The following SYCP2L variants were observed in gnomAD, a reference collection of about 807,000 sequenced individuals.
The protein encoded by SYCP2L is synaptonemal complex protein 2-like.
SYCP2L carries 98 observed loss-of-function variants against 125.8 expected under a neutral mutation model. That is an observed-to-expected ratio of 0.78 (90% CI 0.66 to 0.92). The LOEUF is 0.92. SYCP2L is among the 40% of genes least tolerant of loss of function. SYCP2L has a pLI of 0.00. For synonymous variants in SYCP2L, 317 were observed against 325.4 expected (o/e 0.97, Z 0.28); for missense variants, 842 against 936.4 (o/e 0.90, Z 1.32).
chr6:10,958,151 G>GGT (rs58513575), intron 25 of SYCP2L, among the ~76,000 whole-genome samples: 9,531 of 152,016 alleles, frequency 0.063, 916 homozygotes, highest in African/African-American at 0.21. Flanking sequence ...TGTGTGTATT[G>GGT]GTAGTATATT....
intron 2 of SYCP2L, 55 bp downstream of exon 2, chr6:10,891,636 TG>T: frequency 1.4e-6 from 1 of 703,564 alleles, no homozygotes; most frequent in East Asian, 2.5e-5. Context: ...TGTGTGTGTG[TG>T]TGTGTGTGTG....
rs548193765 is a variant in SYCP2L at position 10,931,500 on chromosome 6, T to C, written c.1683+11T>C. ...CATGAGAAAGACCAAGTAAGTACAT[T>C]GTATCTGGGTTGCTGTGTGCCCTGT... is the stretch of plus-strand genomic sequence containing the variant. On this transcript the variant is annotated intron_variant, in intron 20 of 29. Transcript: ENST00000283141. The C allele has an allele frequency of 2.1e-5, 34 of 1,613,654 alleles. No homozygotes were observed. The South Asian group carries it at 3.5e-4, about 17-fold the overall frequency.
At chr6:10,927,932 A>G (rs1780927242) in intron 17 of SYCP2L, among the ~76,000 whole-genome samples, 1 of 152,200 alleles carries the variant, frequency 6.6e-6, no homozygotes, top group Non-Finnish European at 1.5e-5. Flanking sequence ...AAAAGAATTC[A>G]GCGATATTTC....
intron 14 of SYCP2L, among the ~76,000 whole-genome samples, chr6:10,921,767 G>A (rs1275362500): frequency 4.0e-5 from 6 of 151,238 alleles, no homozygotes; most frequent in Admixed American, 1.3e-4. Context: ...GTGCAGTGGC[G>A]CGATCTTGGC....
At chr6:10,949,014 C>T (rs1781363809) in intron 23 of SYCP2L, among the ~76,000 whole-genome samples, 1 of 151,876 alleles carries the variant, frequency 6.6e-6, no homozygotes, top group Admixed American at 6.6e-5. Flanking sequence ...TTATTGTGTA[C>T]TTGCTTATTT....
rs943705598 is a variant in SYCP2L at position 10,933,103 on chromosome 6, A to G, written c.1683+1614A>G. On this transcript the variant is annotated intron_variant, in intron 20 of 29. Transcript: ENST00000283141. ...AAGCTGTGCCTCTGGCAAGAAATCT[A>G]TGTTGATTTTCAGTGAGGGCATTGC... Among the ~76,000 whole-genome samples, 6 of 152,218 alleles carry G rather than the reference A, an allele frequency of 3.9e-5. No individual in the cohort carries two copies. The South Asian group carries it at 8.3e-4, about 21-fold the overall frequency.
chr6:10,927,065 G>A (rs1780910680), intron 16 of SYCP2L, among the ~76,000 whole-genome samples, 175 bp from the exon 17 acceptor site: 1 of 152,182 alleles, frequency 6.6e-6, no homozygotes, highest in Non-Finnish European at 1.5e-5. Flanking sequence ...ACAGACGTGA[G>A]CCAACATGCC....
At chr6:10,924,954 C>T (rs7756753) in intron 15 of SYCP2L, among the ~76,000 whole-genome samples, 3,062 of 152,252 alleles carry the variant, frequency 0.02, 101 homozygotes, top group African/African-American at 0.07. Flanking sequence ...CCTGAGGACA[C>T]TGGCATTTCT....
rs779056058 is a variant in SYCP2L, at chr6:10,926,299, A to T, written c.1219-40A>T. Reference sequence around the variant, plus strand: ...TCCTTAAATTTTTTTTTTTTTAAAGATGACTACATTTCAAAGTTGACCTTT... The same window carrying T: ...TCCTTAAATTTTTTTTTTTTTAAAGTTGACTACATTTCAAAGTTGACCTTT... On this transcript the variant is annotated intron_variant, in intron 15 of 29. Transcript: ENST00000283141. 26 of 1,430,418 alleles carry T rather than the reference A, an allele frequency of 1.8e-5. No individual in the cohort carries two copies. The African/African-American group carries it at 3.2e-4, about 17-fold the overall frequency. The allele number at this position is 1,430,418 out of a possible 1,614,324, so 88.6% of individuals were successfully genotyped here.
At chr6:10,924,467 A>G (rs1237266044) in intron 14 of SYCP2L, 29 bp from the exon 15 acceptor site, 1 of 1,517,228 alleles carries the variant, frequency 6.6e-7, no homozygotes, top group Non-Finnish European at 8.8e-7. Context: ...GTATGTTGCT[A>G]TGCATTGATA....
At chr6:10,961,685 C>T (rs997082600) in intron 28 of SYCP2L, 127 bp downstream of exon 28, 38 of 910,510 alleles carry the variant, frequency 4.2e-5, no homozygotes, top group South Asian at 2.1e-4. Flanking sequence ...TCTTTTGAAC[C>T]GGCCACTTCT....
intron 18 of SYCP2L, among the ~76,000 whole-genome samples, chr6:10,928,725 A>T (rs1780940517): frequency 6.6e-6 from 1 of 151,960 alleles, no homozygotes; most frequent in African/African-American, 2.4e-5. Flanking sequence ...TTTTATAGAG[A>T]TGGAGTCTCG....
chr6:10,925,529 A>T (rs544813121), intron 15 of SYCP2L, among the ~76,000 whole-genome samples: 4 of 152,334 alleles, frequency 2.6e-5, no homozygotes, highest in African/African-American at 9.6e-5. Context: ...GGGCAAAGAA[A>T]TTTGTGACAA....
chr6:10,945,932 AG>A (rs1188441911), intron 23 of SYCP2L, among the ~76,000 whole-genome samples: 1 of 152,150 alleles, frequency 6.6e-6, no homozygotes, highest in African/African-American at 2.4e-5. Context: ...TATTTCGTTT[AG>A]AATTTGCATG....
intron 4 of SYCP2L, among the ~76,000 whole-genome samples, 178 bp downstream of exon 4, chr6:10,894,382 A>G (rs573888419): frequency 6.6e-6 from 1 of 152,340 alleles, no homozygotes; most frequent in South Asian, 2.1e-4. Flanking sequence ...ACATTTCCTG[A>G]TGTACCTGCT....
chr6:10,904,966 G>T (rs1780458994), intron 8 of SYCP2L, among the ~76,000 whole-genome samples: 1 of 151,474 alleles, frequency 6.6e-6, no homozygotes, highest in Non-Finnish European at 1.5e-5. Flanking sequence ...ACATGGTGAA[G>T]CCCCGTCTCT....
intron 29 of SYCP2L, among the ~76,000 whole-genome samples, chr6:10,967,168 C>T (rs1003777652): frequency 2.6e-5 from 4 of 151,868 alleles, no homozygotes; most frequent in African/African-American, 9.7e-5. Context: ...ATAAAAAGCC[C>T]ATCCTTAATT....
intron 29 of SYCP2L, among the ~76,000 whole-genome samples, chr6:10,966,446 G>A (rs957038964): frequency 5.3e-5 from 8 of 152,112 alleles, no homozygotes; most frequent in Non-Finnish European, 8.8e-5. Context: ...CTGCTTAATC[G>A]TGAAATTCTA....
chr6:10,942,617 C>T, intron 22 of SYCP2L, 60 bp from the exon 23 acceptor site: 2 of 1,596,788 alleles, frequency 1.3e-6, no homozygotes, highest in South Asian at 1.1e-5. Context: ...CTGACGAGTA[C>T]ACCACTTGTT....
Sources: allele counts gnomAD v4.1 joint callset (sites outside exome capture counted in the v4.1 genomes callset), GRCh38; gene constraint gnomAD v4.1.1; transcripts MANE v1.5; gene names NCBI Gene and HGNC (gene_info 2026-07-23, HGNC 2026-07-21).